The following CELF2 variants were observed in gnomAD, a reference collection of about 807,000 sequenced individuals.
CELF2 encodes CUGBP Elav-like family member 2.
Under a neutral mutation model 62.6 loss-of-function variants are expected in CELF2, and 8 were observed. The observed-to-expected ratio is 0.13, with a 90% CI of 0.07 to 0.23. The LOEUF is 0.23. CELF2 is among the 10% of genes least tolerant of loss of function. CELF2 has a pLI of 1.00. For missense variants in CELF2, 333 were observed against 671.0 expected (o/e 0.50, Z 5.56); for synonymous variants, 258 against 250.0 (o/e 1.03, Z -0.30).
At chr10:10,658,936 G>A in the CELF2 span, among the ~76,000 whole-genome samples, 1 of 151,972 alleles carries the variant, frequency 6.6e-6, no homozygotes, top group South Asian at 2.1e-4. Context: ...CTTTCTCTTT[G>A]GTTTGAAGGG....
chr10:11,257,336 CAAA>C (rs61363639), intron 4 of CELF2, among the ~76,000 whole-genome samples: 17,866 of 114,656 alleles, frequency 0.16, 904 homozygotes, highest in Middle Eastern at 0.23. Flanking sequence ...AGACCATCTA[CAAA>C]AAAAAAAAAA....
At chr10:10,793,286 C>T in the CELF2 span, among the ~76,000 whole-genome samples, 1 of 152,140 alleles carries the variant, frequency 6.6e-6, no homozygotes, top group Non-Finnish European at 1.5e-5. Context: ...ATTAAAGTTA[C>T]ATTCATTTAT....
At chr10:11,231,548 G>T (rs1034082892) in intron 3 of CELF2, among the ~76,000 whole-genome samples, 1 of 151,922 alleles carries the variant, frequency 6.6e-6, no homozygotes, top group Non-Finnish European at 1.5e-5. Flanking sequence ...AGGAGTATGT[G>T]GGCTGGAAGA....
chr10:11,231,690 C>CT (rs369230271), intron 3 of CELF2, among the ~76,000 whole-genome samples: 5,275 of 131,208 alleles, frequency 0.04, 303 homozygotes, highest in East Asian at 0.25. Flanking sequence ...TGGTTGCTTT[C>CT]TTTTTTTTTT....
chr10:11,081,606 G>A (rs1307329666), intron 1 of CELF2, among the ~76,000 whole-genome samples: 2 of 152,166 alleles, frequency 1.3e-5, no homozygotes, highest in African/African-American at 2.4e-5. Flanking sequence ...AAAAATAGGA[G>A]ATTTCATTAA....
chr10:11,153,037 A>G (rs2063630760), intron 1 of CELF2, among the ~76,000 whole-genome samples: 1 of 152,236 alleles, frequency 6.6e-6, no homozygotes, highest in Admixed American at 6.5e-5. Flanking sequence ...ACCACATTAC[A>G]AGAAAAAATT....
At chr10:10,952,198 T>C (rs1022811767) in intron 2 of CELF2, 7 of 152,232 alleles carry the variant, frequency 4.6e-5, no homozygotes, top group African/African-American at 1.7e-4. Flanking sequence ...CATTACCACG[T>C]TGGTTGTACG....
chr10:10,525,437 A>C, the CELF2 span, among the ~76,000 whole-genome samples: 13 of 152,058 alleles, frequency 8.5e-5, no homozygotes, highest in African/African-American at 2.7e-4. Context: ...TCTTCTTCCA[A>C]TGCATCCCAG....
intron 1 of CELF2, among the ~76,000 whole-genome samples, chr10:11,153,272 T>C (rs1257798290): frequency 6.6e-6 from 1 of 152,194 alleles, no homozygotes; most frequent in African/African-American, 2.4e-5. Context: ...TTTGACAGGT[T>C]ATACATATGC....
At chr10:10,977,546 CA>C (rs1393374848) in intron 2 of CELF2, among the ~76,000 whole-genome samples, 12 of 152,014 alleles carry the variant, frequency 7.9e-5, no homozygotes, top group African/African-American at 2.7e-4. Context: ...GTGAAATGTA[CA>C]AATTTTAAAG....
upstream of CELF2, among the ~76,000 whole-genome samples, chr10:11,014,937 T>C (rs1456334066): frequency 1.3e-5 from 2 of 152,196 alleles, no homozygotes; most frequent in African/African-American, 2.4e-5. Flanking sequence ...GGAAACTTCA[T>C]TGTTCAGGAC....
At chr10:11,276,222 G>A (rs1005292260) in intron 8 of CELF2, among the ~76,000 whole-genome samples, 7 of 151,856 alleles carry the variant, frequency 4.6e-5, no homozygotes, top group Non-Finnish European at 8.8e-5. Context: ...GTGTGTGATC[G>A]GCAGCCCCGC....
At chr10:11,086,936 T>C (rs918143924) in intron 1 of CELF2, among the ~76,000 whole-genome samples, 4 of 152,096 alleles carry the variant, frequency 2.6e-5, no homozygotes, top group African/African-American at 7.2e-5. Flanking sequence ...GAATTGGGTT[T>C]GAAGGAAGTA....
intron 5 of CELF2, among the ~76,000 whole-genome samples, chr10:11,262,482 C>A (rs1208600719): frequency 1.3e-5 from 2 of 152,190 alleles, no homozygotes; most frequent in Non-Finnish European, 2.9e-5. Context: ...TGGCGACATG[C>A]CCCCTTGACT....
the CELF2 span, among the ~76,000 whole-genome samples, chr10:10,536,255 T>C: frequency 1.2e-4 from 19 of 152,188 alleles, no homozygotes; most frequent in African/African-American, 3.9e-4. Context: ...CCTGACCTTG[T>C]GATCTGCCCA....
the CELF2 span, among the ~76,000 whole-genome samples, chr10:10,689,693 G>T: frequency 7.0e-3 from 1,071 of 152,218 alleles, 4 homozygotes; most frequent in Non-Finnish European, 8.2e-3. Flanking sequence ...ATTCACCGAA[G>T]AACCTGGATT....
At chr10:10,619,528 G>A in the CELF2 span, among the ~76,000 whole-genome samples, 36 of 152,292 alleles carry the variant, frequency 2.4e-4, no homozygotes, top group African/African-American at 8.2e-4. Flanking sequence ...TGTTTCCAAA[G>A]ATGGACGTGG....
At chr10:11,102,360 T>C (rs1309387600) in intron 1 of CELF2, among the ~76,000 whole-genome samples, 1 of 152,228 alleles carries the variant, frequency 6.6e-6, no homozygotes, top group Non-Finnish European at 1.5e-5. Context: ...AGAAACAAAT[T>C]TAAACATCTA....
chr10:10,586,814 G>A, the CELF2 span, among the ~76,000 whole-genome samples: 2 of 152,148 alleles, frequency 1.3e-5, no homozygotes, highest in Admixed American at 1.3e-4. Context: ...GCCCATTAAT[G>A]TGTATTTTGA....
Sources: gnomAD v4.1 joint callset for allele counts (sites outside exome capture counted in the v4.1 genomes callset) on GRCh38, gnomAD v4.1.1 for gene constraint, MANE v1.5 for transcripts, NCBI Gene and HGNC (gene_info 2026-07-23, HGNC 2026-07-21) for gene names.